The following SLC35F4 variants were observed in gnomAD, a reference collection of about 807,000 sequenced individuals.
SLC35F4 encodes chromosome 14 open reading frame 36.
SLC35F4 carries 24 observed loss-of-function variants against 44.2 expected under a neutral mutation model. That is an observed-to-expected ratio of 0.54 (90% CI 0.39 to 0.76). The LOEUF is 0.76. Among genes scored for constraint, SLC35F4 ranks in the 30% least tolerant of loss-of-function variants. The pLI is 0.00. For missense variants in SLC35F4, 562 were observed against 586.1 expected (o/e 0.96, Z 0.42); for synonymous variants, 238 against 223.6 (o/e 1.06, Z -0.57).
intron 1 of SLC35F4, among the ~76,000 whole-genome samples, chr14:57,796,650 CATTT>C (rs950432200): frequency 5.3e-5 from 8 of 152,306 alleles, no homozygotes; most frequent in African/African-American, 1.9e-4. Flanking sequence ...CTCTTAAAAA[CATTT>C]ATTTAAATTC....
intron 1 of SLC35F4, among the ~76,000 whole-genome samples, chr14:57,650,499 A>G (rs750553262): frequency 7.9e-5 from 12 of 151,986 alleles, no homozygotes; most frequent in Non-Finnish European, 1.6e-4. Context: ...CACCTCAACT[A>G]CGTCTACTTC....
chr14:57,810,343 T>C (rs1432528385), intron 1 of SLC35F4, among the ~76,000 whole-genome samples: 2 of 152,244 alleles, frequency 1.3e-5, no homozygotes, highest in African/African-American at 4.8e-5. Context: ...TATAATAAGA[T>C]AGTACTGTCC....
At chr14:57,617,130 CTTTTTT>C (rs3054446) in intron 1 of SLC35F4, among the ~76,000 whole-genome samples, 2 of 99,248 alleles carry the variant, frequency 2.0e-5, no homozygotes, top group Non-Finnish European at 3.8e-5. Context: ...TGTACTTATT[CTTTTTT>C]TTTTTTTTTT....
chr14:57,766,169 C>G (rs955607314), intron 1 of SLC35F4, among the ~76,000 whole-genome samples: 1 of 152,220 alleles, frequency 6.6e-6, no homozygotes, highest in Non-Finnish European at 1.5e-5. Context: ...CTACTCACTA[C>G]TCATCAAGAG....
chr14:57,783,444 C>T lies in SLC35F4; in HGVS notation c.103+82279G>A, dbSNP rs200840822. ...GACATTTATTAGTAAGAAAGAGAAG[C>T]GAGCACCAGGATTTAAGGCAGGAAG... On this transcript the variant is annotated intron_variant, in intron 1 of 7. Transcript: ENST00000556826. Among the ~76,000 whole-genome samples, 5 of 152,150 alleles carry T rather than the reference C, an allele frequency of 3.3e-5. No individual in the cohort carries two copies. In the East Asian group the frequency reaches 7.7e-4, roughly 24 times the overall value.
intron 1 of SLC35F4, among the ~76,000 whole-genome samples, chr14:57,751,213 A>G (rs1327547091): frequency 6.6e-6 from 1 of 152,236 alleles, no homozygotes; most frequent in African/African-American, 2.4e-5. Flanking sequence ...CATGGTTAAT[A>G]AGAAGCAGGG....
chr14:57,946,383 T>G (rs1218323154), intron 1 of SLC35F4, among the ~76,000 whole-genome samples: 1 of 152,040 alleles, frequency 6.6e-6, no homozygotes, highest in Non-Finnish European at 1.5e-5. Flanking sequence ...TAATTGGGTG[T>G]CCTTTCTCCA....
intron 1 of SLC35F4, among the ~76,000 whole-genome samples, chr14:57,950,315 T>C (rs780469089): frequency 5.3e-5 from 8 of 152,082 alleles, no homozygotes; most frequent in Non-Finnish European, 1.0e-4. Context: ...TGTTCTAGTC[T>C]CTACTGAAAG....
chr14:57,920,535 T>C (rs975745058), intron 1 of SLC35F4, among the ~76,000 whole-genome samples: 5 of 152,270 alleles, frequency 3.3e-5, no homozygotes, highest in Admixed American at 2.6e-4. Context: ...ATCACACGAT[T>C]GCACTGCAGC....
At chr14:57,764,753 A>G (rs1460552930) in intron 1 of SLC35F4, among the ~76,000 whole-genome samples, 2 of 152,216 alleles carry the variant, frequency 1.3e-5, no homozygotes, top group African/African-American at 2.4e-5. Flanking sequence ...ATGGACCTTC[A>G]GTTATGCAAA....
chr14:57,640,673 T>C (rs1178619615), intron 1 of SLC35F4, among the ~76,000 whole-genome samples: 3 of 152,062 alleles, frequency 2.0e-5, no homozygotes, highest in Non-Finnish European at 1.5e-5. Flanking sequence ...ACTGAGGTTA[T>C]ACAGCAAGTA....
intron 1 of SLC35F4, among the ~76,000 whole-genome samples, chr14:57,761,172 C>T (rs1334146347): frequency 6.6e-6 from 1 of 152,096 alleles, no homozygotes; most frequent in Non-Finnish European, 1.5e-5. Context: ...GCCTGAAATT[C>T]AATGTCTTGA....
chr14:57,690,415 T>C (rs1011142415), intron 1 of SLC35F4, among the ~76,000 whole-genome samples: 1 of 152,066 alleles, frequency 6.6e-6, no homozygotes, highest in Non-Finnish European at 1.5e-5. Context: ...GATAAGGAAG[T>C]GGAGACAGCT....
At chr14:57,818,494 C>A (rs1882842039) in intron 1 of SLC35F4, among the ~76,000 whole-genome samples, 1 of 152,154 alleles carries the variant, frequency 6.6e-6, no homozygotes, top group Non-Finnish European at 1.5e-5. Flanking sequence ...ACCCTTGTTG[C>A]TGTCAAGATC....
upstream of SLC35F4, among the ~76,000 whole-genome samples, chr14:57,871,010 C>G (rs1413621581): frequency 6.6e-6 from 1 of 152,212 alleles, no homozygotes; most frequent in Non-Finnish European, 1.5e-5. Context: ...TTACTTCATA[C>G]TAGGAAAGGG....
At chr14:57,817,758 C>G (rs901739521) in intron 1 of SLC35F4, among the ~76,000 whole-genome samples, 1 of 151,956 alleles carries the variant, frequency 6.6e-6, no homozygotes, top group South Asian at 2.1e-4. Context: ...TAGAATGACC[C>G]GTTAAAAATT....
At chr14:57,647,005 C>A (rs1320768729) in intron 1 of SLC35F4, among the ~76,000 whole-genome samples, 2 of 151,986 alleles carry the variant, frequency 1.3e-5, no homozygotes, top group African/African-American at 4.8e-5. Flanking sequence ...TATAATTTCT[C>A]TTCTTTTACA....
intron 1 of SLC35F4, among the ~76,000 whole-genome samples, chr14:57,811,950 C>G (rs1055367040): frequency 6.6e-6 from 1 of 152,016 alleles, no homozygotes; most frequent in African/African-American, 2.4e-5. Context: ...CCACTGCACT[C>G]CAGCCTGGGT....
intron 1 of SLC35F4, among the ~76,000 whole-genome samples, chr14:57,679,833 G>A (rs1284010395): frequency 2.0e-5 from 3 of 151,940 alleles, no homozygotes; most frequent in Non-Finnish European, 2.9e-5. Flanking sequence ...AGAAGAAGTC[G>A]AATCCCTGAA....
Sources: gnomAD v4.1 joint callset for allele counts (sites outside exome capture counted in the v4.1 genomes callset) on GRCh38, gnomAD v4.1.1 for gene constraint, MANE v1.5 for transcripts, NCBI Gene and HGNC (gene_info 2026-07-23, HGNC 2026-07-21) for gene names.